The following ACTN2 variants were observed in gnomAD, a reference collection of about 807,000 sequenced individuals.
The protein encoded by ACTN2 is actinin alpha 2, also known as alpha-actinin-2.
Under a neutral mutation model 113.8 loss-of-function variants are expected in ACTN2, and 39 were observed. That is an observed-to-expected ratio of 0.34 (90% CI 0.27 to 0.45). The LOEUF (loss-of-function observed/expected upper bound fraction) is 0.45, where lower values mean the gene tolerates loss of function less well. Among genes scored for constraint, ACTN2 ranks in the 20% least tolerant of loss-of-function variants. The pLI is 1.00. For missense variants in ACTN2, 992 were observed against 1,177.9 expected (o/e 0.84, Z 2.31); for synonymous variants, 429 against 444.1 (o/e 0.97, Z 0.43).
chr1:236,745,970 T>A lies in ACTN2; in HGVS notation c.1406+1194T>A, dbSNP rs148247929. Among the ~76,000 whole-genome samples the A allele has an allele frequency of 8.8e-3, 1,331 of 152,050 alleles. 9 individuals carry two copies. The highest frequency in any genetic ancestry group is 0.015 in the Non-Finnish European group (993 of 67,962). ...CGAGGTCAGGAGATCAAGACCATCCTGGCTAACACGGTGAAACCCCGTATC... is the reference window on the plus strand; with the variant it reads ...CGAGGTCAGGAGATCAAGACCATCCAGGCTAACACGGTGAAACCCCGTATC... On this transcript the variant is annotated intron_variant, in intron 12 of 20. Coordinates refer to ENST00000366578, the MANE Select transcript of ACTN2 (RefSeq NM_001103.4).
At chr1:236,743,135 T>C in intron 11 of ACTN2, 92 bp downstream of exon 11, 1 of 1,466,012 alleles carries the variant, frequency 6.8e-7, no homozygotes, top group East Asian at 2.3e-5. Flanking sequence ...CTGTGCCTAA[T>C]GTCTGTGACA....
Position 236,719,006 on chromosome 1 carries a change from C to G in ACTN2, c.354C>G (p.Gly118=), listed in dbSNP as rs539250948. Residue 118 remains glycine (G), a synonymous_variant, in exon 3 of 21, where the codon GGC becomes GGG. Coordinates refer to ENST00000366578, the MANE Select transcript of ACTN2 (RefSeq NM_001103.4). ...AAGGGGTGAAACTGGTGTCCATTGG[C>G]GCTGAAGGTGAGAGGTGTGGTGGGT... ...ASKGVKLVSI[G]AEEIVDGNVK... is the part of the protein sequence containing the mutation. 2 of 1,613,874 alleles carry G rather than the reference C, an allele frequency of 1.2e-6. No homozygotes were observed. The highest frequency in any genetic ancestry group is 1.1e-5 in the South Asian group (1 of 91,066).
In ACTN2 at chr1:236,744,708, G is replaced by A. The variant is rs397516566; in HGVS notation, c.1338G>A (p.Ala446=). Reference sequence around the variant, plus strand: ...GGGCTCTGCTGCGGAAGCACGAGGCGTTCGAGAGCGACCTGGCAGCGCACC... The same window carrying A: ...GGGCTCTGCTGCGGAAGCACGAGGCATTCGAGAGCGACCTGGCAGCGCACC... ...EVRALLRKHE[A]FESDLAAHQD... Residue 446 remains alanine, a synonymous_variant, in exon 12 of 21, where the codon GCG becomes GCA. Transcript: ENST00000366578. 2.5e-5 allele frequency: 40 copies of A among 1,614,054 alleles called. No homozygotes were observed. The highest frequency in any genetic ancestry group is 8.3e-5 in the Admixed American group (5 of 60,006).
At chr1:236,737,075 G>C (rs752125868) in intron 8 of ACTN2, 47 bp from the exon 9 acceptor site, 27 of 1,488,976 alleles carry the variant, frequency 1.8e-5, no homozygotes, top group Non-Finnish European at 2.3e-5. Context: ...CTGTGTGTGC[G>C]CATTCCCGTC....
chr1:236,692,199 T>G (rs1376989286), intron 1 of ACTN2, among the ~76,000 whole-genome samples: 2 of 152,056 alleles, frequency 1.3e-5, no homozygotes, highest in African/African-American at 2.4e-5. Context: ...AATTTGAGAG[T>G]GATCAGGAGG....
intron 18 of ACTN2, among the ~76,000 whole-genome samples, chr1:236,757,980 T>C (rs900575317): frequency 1.3e-4 from 20 of 152,226 alleles, no homozygotes; most frequent in Admixed American, 7.9e-4. Context: ...AACTCTGATA[T>C]GCTTTTCCTA....
chr1:236,743,082 A>G lies in ACTN2; in HGVS notation c.1255+39A>G, dbSNP rs532916483. ...AGTCAGATTGGATTTTTGAAAAACC[A>G]GAGTTGAGCCATGCCCAGAGCCATG... On this transcript the variant is annotated intron_variant, in intron 11 of 20. Transcript: ENST00000366578. 9.3e-6 allele frequency: 15 copies of G among 1,612,594 alleles called. No homozygotes were observed. The South Asian group carries it at 1.4e-4, about 15-fold the overall frequency.
chr1:236,724,427 A>G (rs1011135096), intron 4 of ACTN2, among the ~76,000 whole-genome samples: 1 of 152,224 alleles, frequency 6.6e-6, no homozygotes, highest in Non-Finnish European at 1.5e-5. Context: ...TTTGGGGAAA[A>G]TGCCTATGCA....
At chr1:236,714,970 A>T (rs1350442728) in intron 1 of ACTN2, among the ~76,000 whole-genome samples, 4 of 96,464 alleles carry the variant, frequency 4.1e-5, no homozygotes, top group African/African-American at 1.6e-4. Flanking sequence ...CACTGAAGGG[A>T]TATGCAAGAG....
intron 15 of ACTN2, among the ~76,000 whole-genome samples, chr1:236,753,616 C>G (rs1442570327): frequency 6.6e-6 from 1 of 152,194 alleles, no homozygotes; most frequent in Non-Finnish European, 1.5e-5. Context: ...CTGGCCCTGA[C>G]TTAGTTGTGC....
Position 236,754,953 on chromosome 1 carries a change from T to C in ACTN2, c.1975-66T>C, listed in dbSNP as rs1199510568. The C allele has an allele frequency of 9.4e-6, 15 of 1,602,506 alleles. No homozygotes were observed. Among genetic ancestry groups the C allele is most frequent in the Middle Eastern group, 1.9e-4 (1 of 5,222 alleles). ...ATGCAGGGTCTGGAACGGCGCCTCG[T>C]GCCGAGCTCCCTTAGAGGGCACTTC... On this transcript the variant is annotated intron_variant, in intron 16 of 20. Transcript: ENST00000366578. The surrounding 1 kb of genome is among the most constrained non-coding windows in gnomAD (Gnocchi z 4.9).
intron 7 of ACTN2, chr1:236,734,468 A>T (rs1486211088): frequency 1.3e-6 from 2 of 1,535,996 alleles, no homozygotes. Flanking sequence ...TGAAAGAGCC[A>T]TAATGACTTA....
chr1:236,717,855 C>A lies in ACTN2; in HGVS notation c.127-3C>A, dbSNP rs368775036. ...GCTAAACCGTGTTTGGTTTTCTTTG[C>A]AGACCTTCACTGCCTGGTGTAACTC... On this transcript the variant is annotated splice_polypyrimidine_tract_variant and splice_region_variant and intron_variant, in intron 1 of 20. Transcript: ENST00000366578. 3.4e-5 allele frequency: 55 copies of A among 1,609,810 alleles called. No individual in the cohort carries two copies. The highest frequency in any genetic ancestry group is 4.5e-5 in the Non-Finnish European group (53 of 1,176,286).
chr1:236,692,889 A>C (rs1326159035), intron 1 of ACTN2, among the ~76,000 whole-genome samples: 1 of 152,150 alleles, frequency 6.6e-6, no homozygotes, highest in Non-Finnish European at 1.5e-5. Context: ...CGGTTGCTGC[A>C]GCTGGGAGAC....
intron 5 of ACTN2, 136 bp from the exon 6 acceptor site, chr1:236,727,542 G>A (rs970347586): frequency 8.4e-6 from 7 of 835,126 alleles, no homozygotes; most frequent in East Asian, 5.3e-5. Context: ...ACCGGGCGGG[G>A]TAAAGAGGAA....
Position 236,720,494 on chromosome 1 carries a change from A to G in ACTN2, c.448+303A>G, listed in dbSNP as rs114655834. Among the ~76,000 whole-genome samples, 1,014 of 152,276 alleles carry G rather than the reference A, an allele frequency of 6.7e-3. 11 individuals carry two copies. Among genetic ancestry groups the G allele is most frequent in the African/African-American group, 0.023 (959 of 41,548 alleles). On this transcript the variant is annotated intron_variant, in intron 4 of 20. Transcript: ENST00000366578. The stretch of plus-strand genomic sequence containing the variant: ...ACTAGTAAATTTACAGCTATGGCAG[A>G]GTTCTTTAGTCTTACAACTGAAACA...
intron 4 of ACTN2, among the ~76,000 whole-genome samples, chr1:236,723,534 C>T (rs954942318): frequency 2.0e-5 from 3 of 152,132 alleles, no homozygotes; most frequent in East Asian, 1.9e-4. Flanking sequence ...GGTGCAATCT[C>T]GGTTCACTGT....
intron 1 of ACTN2, among the ~76,000 whole-genome samples, chr1:236,705,356 G>A (rs1347216429): frequency 6.6e-6 from 1 of 152,138 alleles, no homozygotes; most frequent in African/African-American, 2.4e-5. Context: ...AATCATGACT[G>A]TCATACAAAT....
At chr1:236,740,010 A>G (rs1659019253) in intron 10 of ACTN2, among the ~76,000 whole-genome samples, 1 of 152,188 alleles carries the variant, frequency 6.6e-6, no homozygotes, top group Admixed American at 6.5e-5. Flanking sequence ...GCTAAAACCA[A>G]GGACTCCACA....
Sources: allele counts gnomAD v4.1 joint callset (sites outside exome capture counted in the v4.1 genomes callset), GRCh38; gene constraint gnomAD v4.1.1; non-coding constraint Gnocchi (gnomAD v3.1); transcripts MANE v1.5; gene names NCBI Gene and HGNC (gene_info 2026-07-23, HGNC 2026-07-21).